The following FABP6 variants were observed in gnomAD, a reference collection of about 807,000 sequenced individuals.
FABP6 encodes fatty acid binding protein 6.
Under a neutral mutation model 14.9 loss-of-function variants are expected in FABP6, and 13 were observed. That is an observed-to-expected ratio of 0.87 (90% CI 0.57 to 1.39). The LOEUF (loss-of-function observed/expected upper bound fraction) is 1.39, where lower values mean the gene tolerates loss of function less well. FABP6 is among the 40% of genes most tolerant of loss of function. FABP6 has a pLI of 0.00. For missense variants in FABP6, 161 were observed against 167.2 expected, an observed-to-expected ratio of 0.96 and a Z score of 0.20; for synonymous variants, 75 against 63.6, an observed-to-expected ratio of 1.18 and a Z score of -0.85.
At chr5:160,210,869 A>C (rs1482798376) in intron 2 of FABP6, among the ~76,000 whole-genome samples, 1 of 152,240 alleles carries the variant, frequency 6.6e-6, no homozygotes, top group Admixed American at 6.5e-5. Context: ...TTAGAAATTC[A>C]TTAGGAATGA....
chr5:160,206,308 A>G (rs1258949223), intron 2 of FABP6, among the ~76,000 whole-genome samples: 1 of 152,116 alleles, frequency 6.6e-6, no homozygotes, highest in African/African-American at 2.4e-5. Context: ...CGTGCCTGTA[A>G]TTCCAGCTAC....
At chr5:160,218,430 G>A (rs1351012847) in intron 3 of FABP6, among the ~76,000 whole-genome samples, 4 of 148,602 alleles carry the variant, frequency 2.7e-5, no homozygotes, top group Admixed American at 1.4e-4. Flanking sequence ...TAAACAAAGC[G>A]CCAACTGGAT....
intron 3 of FABP6, among the ~76,000 whole-genome samples, chr5:160,216,815 G>T (rs1482643569): frequency 6.6e-6 from 1 of 152,194 alleles, no homozygotes; most frequent in Non-Finnish European, 1.5e-5. Context: ...GATGCCATGT[G>T]TTGAGTGCTT....
At position 160,202,624 on chromosome 5, in the gene FABP6, G is replaced by A. The variant is rs112760063; in HGVS notation, c.51+3467G>A. Among the ~76,000 whole-genome samples the A allele has an allele frequency of 6.4e-3, 974 of 151,896 alleles. 15 individuals carry two copies. The highest frequency in any genetic ancestry group is 0.023 in the African/African-American group (933 of 41,442). ...ATTCTGGCTAACACGGTGAAACCCCGTCTCTACTAAAAATACAAAAAAAAG... is the reference window on the plus strand; with the variant it reads ...ATTCTGGCTAACACGGTGAAACCCCATCTCTACTAAAAATACAAAAAAAAG... On this transcript the variant is annotated intron_variant, in intron 2 of 6. Transcript: ENST00000393980.
chr5:160,220,092 G>A (rs1219126755), intron 3 of FABP6, among the ~76,000 whole-genome samples: 2 of 152,144 alleles, frequency 1.3e-5, no homozygotes, highest in East Asian at 1.9e-4. Flanking sequence ...AATGTAGTTG[G>A]GAGATAAAAG....
chr5:160,202,829 T>C (rs1457401498), intron 2 of FABP6, among the ~76,000 whole-genome samples: 1 of 151,726 alleles, frequency 6.6e-6, no homozygotes, highest in Non-Finnish European at 1.5e-5. Flanking sequence ...AACTGGCTTT[T>C]CTTAGCGATT....
intron 3 of FABP6, among the ~76,000 whole-genome samples, chr5:160,236,296 G>T (rs1057055195): frequency 6.6e-6 from 1 of 152,134 alleles, no homozygotes; most frequent in Non-Finnish European, 1.5e-5. Context: ...GATTACAGGT[G>T]TGAGCCACTG....
chr5:160,188,747 G>C (rs1014696428), intron 1 of FABP6, among the ~76,000 whole-genome samples: 1 of 152,202 alleles, frequency 6.6e-6, no homozygotes, highest in Admixed American at 6.5e-5. Context: ...CTGGGCCTCA[G>C]ATTTTCTCAT....
upstream of FABP6, among the ~76,000 whole-genome samples, chr5:160,227,616 G>A (rs953016517): frequency 4.6e-5 from 7 of 151,516 alleles, no homozygotes; most frequent in African/African-American, 1.2e-4. Flanking sequence ...AGCCTGGGAG[G>A]TTAAGGCTGC....
At chr5:160,223,332 CCCTT>C (rs367909259) in intron 3 of FABP6, among the ~76,000 whole-genome samples, 8,101 of 93,324 alleles carry the variant, frequency 0.087, 359 homozygotes, top group South Asian at 0.18. Context: ...TTTTTGCCCG[CCCTT>C]CCTTCCTTCC....
intron 1 of FABP6, among the ~76,000 whole-genome samples, chr5:160,229,855 TA>T: frequency 1.9e-5 from 2 of 104,894 alleles, no homozygotes; most frequent in African/African-American, 3.2e-5. Context: ...TATTTTATTT[TA>T]TTTTATTTTA....
chr5:160,220,958 G>T (rs549077371), intron 3 of FABP6, among the ~76,000 whole-genome samples: 1 of 151,954 alleles, frequency 6.6e-6, no homozygotes, highest in South Asian at 2.1e-4. Flanking sequence ...CGTGGTCTAT[G>T]GGGGCCTGTA....
intron 1 of FABP6, among the ~76,000 whole-genome samples, chr5:160,194,422 C>T (rs539380595): frequency 1.7e-4 from 26 of 152,224 alleles, no homozygotes; most frequent in South Asian, 2.1e-4. Context: ...GAGGAGGCCC[C>T]GAGAGTGAGC....
intron 2 of FABP6, among the ~76,000 whole-genome samples, chr5:160,203,156 C>T (rs1227680376): frequency 6.6e-6 from 1 of 152,110 alleles, no homozygotes; most frequent in Non-Finnish European, 1.5e-5. Flanking sequence ...CCCACCTTGG[C>T]TTCTCAAAGT....
At chr5:160,201,784 G>A (rs1759646770) in intron 2 of FABP6, among the ~76,000 whole-genome samples, 2 of 151,536 alleles carry the variant, frequency 1.3e-5, no homozygotes, top group African/African-American at 2.4e-5. Context: ...TATTTTTTGC[G>A]ACAGGGTCTT....
At chr5:160,217,909 G>A (rs1308917809) in intron 3 of FABP6, among the ~76,000 whole-genome samples, 4 of 152,176 alleles carry the variant, frequency 2.6e-5, no homozygotes, top group Admixed American at 6.6e-5. Context: ...TCCCAAAGAG[G>A]AGGGATTACA....
At chr5:160,199,669 C>T (rs987446984) in intron 2 of FABP6, among the ~76,000 whole-genome samples, 2 of 152,196 alleles carry the variant, frequency 1.3e-5, no homozygotes, top group African/African-American at 4.8e-5. Context: ...CTGCTATCTT[C>T]ATCCCCTGCC....
intron 1 of FABP6, among the ~76,000 whole-genome samples, chr5:160,187,700 C>T (rs973884475): frequency 3.9e-5 from 6 of 152,030 alleles, no homozygotes; most frequent in Admixed American, 2.0e-4. Flanking sequence ...AACAGTTCCT[C>T]TCCAGCAACT....
intron 3 of FABP6, among the ~76,000 whole-genome samples, chr5:160,218,506 G>A (rs1260565480): frequency 7.7e-6 from 1 of 130,040 alleles, no homozygotes; most frequent in Non-Finnish European, 1.5e-5. Context: ...TGTCTCCTAG[G>A]CTGGAGTGCA....
Sources: allele counts gnomAD v4.1 joint callset (sites outside exome capture counted in the v4.1 genomes callset), GRCh38; gene constraint gnomAD v4.1.1; transcripts MANE v1.5; gene names NCBI Gene and HGNC (gene_info 2026-07-23, HGNC 2026-07-21).